The following SNTG1 variants were observed in gnomAD, a reference collection of about 807,000 sequenced individuals.
SNTG1 encodes syntrophin gamma 1.
A neutral mutation model predicts 74.7 loss-of-function variants in SNTG1; 39 were observed. The observed-to-expected ratio is 0.52, with a 90% CI of 0.40 to 0.68. SNTG1 has a LOEUF of 0.68. Ranked by LOEUF, SNTG1 falls within the 30% of genes least tolerant of loss-of-function variation. The probability of loss-of-function intolerance (pLI) is 0.00; values close to 1 mark genes in which losing one functional copy is unlikely to be tolerated. For missense variants in SNTG1, 685 were observed against 609.5 expected, an observed-to-expected ratio of 1.12 and a Z score of -1.30; for synonymous variants, 254 against 217.1, an observed-to-expected ratio of 1.17 and a Z score of -1.49.
At chr8:49,977,235 T>C (rs1812275381) in intron 1 of SNTG1, among the ~76,000 whole-genome samples, 1 of 152,080 alleles carries the variant, frequency 6.6e-6, no homozygotes, top group Non-Finnish European at 1.5e-5. Flanking sequence ...GCAAAGCATG[T>C]TTAACTTCTT....
chr8:50,432,225 A>G (rs189720838), intron 4 of SNTG1, among the ~76,000 whole-genome samples: 1 of 152,274 alleles, frequency 6.6e-6, no homozygotes, highest in East Asian at 1.9e-4. Flanking sequence ...TTTTCTTCTT[A>G]TGGATGTCCA....
At chr8:50,385,416 T>C (rs996671328) in intron 2 of SNTG1, among the ~76,000 whole-genome samples, 2 of 152,212 alleles carry the variant, frequency 1.3e-5, no homozygotes, top group African/African-American at 4.8e-5. Context: ...ATCACACCAC[T>C]GGACCCCCAG....
chr8:50,066,445 C>T (rs1201915693), intron 1 of SNTG1, among the ~76,000 whole-genome samples: 1 of 152,066 alleles, frequency 6.6e-6, no homozygotes, highest in East Asian at 1.9e-4. Context: ...GTAGTGAGAA[C>T]TGGAGTAGCA....
chr8:50,331,794 A>G (rs79256428), intron 2 of SNTG1, among the ~76,000 whole-genome samples: 1 of 152,284 alleles, frequency 6.6e-6, no homozygotes, highest in East Asian at 1.9e-4. Flanking sequence ...GAGAGGGAAG[A>G]TTTCTCAATT....
chr8:49,952,157 C>T (rs1809779743), intron 1 of SNTG1, among the ~76,000 whole-genome samples: 2 of 152,098 alleles, frequency 1.3e-5, no homozygotes, highest in South Asian at 2.1e-4. Flanking sequence ...TACTGTTTGT[C>T]TTCATTCACA....
chr8:50,349,001 A>T (rs528764718), intron 2 of SNTG1, among the ~76,000 whole-genome samples: 1 of 152,196 alleles, frequency 6.6e-6, no homozygotes, highest in African/African-American at 2.4e-5. Flanking sequence ...CTTAACTGTT[A>T]TAAGTATGAC....
intron 4 of SNTG1, among the ~76,000 whole-genome samples, chr8:50,417,918 C>T (rs1203243792): frequency 2.6e-5 from 4 of 152,044 alleles, no homozygotes; most frequent in Non-Finnish European, 4.4e-5. Context: ...TCAAAGACAT[C>T]GTTCCAGCAA....
Position 50,312,672 on chromosome 8 carries a change from C to T in SNTG1, c.-27-81540C>T, listed in dbSNP as rs2090161376. On this transcript the variant is annotated intron_variant, in intron 2 of 18. Coordinates refer to ENST00000642720, the MANE Select transcript of SNTG1 (RefSeq NM_018967.5). Reference sequence around the variant, plus strand: ...ATAGCATAATAGGCCACCTCATACCCATTACTAAACTTCCACATGGCAAAA... The same window carrying T: ...ATAGCATAATAGGCCACCTCATACCTATTACTAAACTTCCACATGGCAAAA... 1.3e-5 allele frequency among the ~76,000 whole-genome samples: 2 copies of T among 149,738 alleles called. 1 individual carries two copies. The highest frequency in any genetic ancestry group is 1.4e-4 in the Admixed American group (2 of 14,804).
chr8:50,781,324 A>G (rs953565154), intron 18 of SNTG1, among the ~76,000 whole-genome samples: 1 of 151,938 alleles, frequency 6.6e-6, no homozygotes, highest in African/African-American at 2.4e-5. Context: ...TCCCATTATT[A>G]TTGTGTGGGA....
At chr8:50,711,856 T>C (rs1407661179) in intron 17 of SNTG1, among the ~76,000 whole-genome samples, 2 of 152,204 alleles carry the variant, frequency 1.3e-5, no homozygotes. Context: ...AGCTTGTTCT[T>C]TGTAATTCTC....
chr8:50,458,160 T>G lies in SNTG1; in HGVS notation c.363+7431T>G, dbSNP rs1229672970. ...GTAATACCAAAGGATCATTAAGATTTGAAGAAAATCAACCACATCAAAGGC... is the reference window on the plus strand; with the variant it reads ...GTAATACCAAAGGATCATTAAGATTGGAAGAAAATCAACCACATCAAAGGC... On this transcript the variant is annotated intron_variant, in intron 8 of 18. Transcript: ENST00000642720. The G allele has an allele frequency of 2.0e-5, 3 of 150,052 alleles. No homozygotes were observed. The Admixed American group carries it at 2.0e-4, about 10-fold the overall frequency. The allele number at this position is 150,052 out of a possible 1,614,324, so 9.3% of individuals were successfully genotyped here.
rs766632011 is a variant in SNTG1 at position 50,530,235 on chromosome 8, T to C, written c.525T>C (p.His175=). The change falls in exon 10 of 19, where the codon CAT becomes CAC. Residue 175 remains histidine, a synonymous_variant. Transcript: ENST00000642720. ...CTCCTCTCTGTGACAGTGGCTTACA[T>C]CTCAACTACCATCCCAACAATACAG... ...TSSPLCDSGL[H]LNYHPNNTDT... The C allele has an allele frequency of 6.2e-7, 1 of 1,613,642 alleles. No individual in the cohort carries two copies. Among genetic ancestry groups the C allele is most frequent in the African/African-American group, 1.3e-5 (1 of 74,888 alleles).
intron 2 of SNTG1, among the ~76,000 whole-genome samples, chr8:50,280,645 A>G (rs1317369971): frequency 6.6e-6 from 1 of 152,198 alleles, no homozygotes; most frequent in East Asian, 1.9e-4. Flanking sequence ...AGGTGGATAC[A>G]AGGATTTTCT....
intron 15 of SNTG1, among the ~76,000 whole-genome samples, chr8:50,668,866 T>C (rs2095263836): frequency 6.6e-6 from 1 of 152,026 alleles, no homozygotes; most frequent in East Asian, 1.9e-4. Flanking sequence ...ACATTTTCTT[T>C]ATTCAGTCTG....
At chr8:50,471,432 T>C (rs1032133238) in intron 8 of SNTG1, among the ~76,000 whole-genome samples, 1 of 152,130 alleles carries the variant, frequency 6.6e-6, no homozygotes, top group Non-Finnish European at 1.5e-5. Flanking sequence ...TACAACCTTA[T>C]TAGAATGGCT....
intron 9 of SNTG1, among the ~76,000 whole-genome samples, chr8:50,504,973 AC>A (rs1487847575): frequency 6.6e-6 from 1 of 152,066 alleles, no homozygotes; most frequent in Non-Finnish European, 1.5e-5. Flanking sequence ...GAAATTCTAT[AC>A]CCCTTAAACA....
chr8:50,580,002 A>T (rs1220155960), intron 12 of SNTG1, among the ~76,000 whole-genome samples: 2 of 152,196 alleles, frequency 1.3e-5, no homozygotes, highest in African/African-American at 4.8e-5. Context: ...AGGAACAGAC[A>T]CTCAATGTCA....
At chr8:50,002,417 G>T (rs1473922172) in intron 1 of SNTG1, among the ~76,000 whole-genome samples, 1 of 151,988 alleles carries the variant, frequency 6.6e-6, no homozygotes, top group Non-Finnish European at 1.5e-5. Flanking sequence ...AATATTGCCT[G>T]TTTTTCTGTG....
At chr8:50,383,578 C>T (rs1376580561) in intron 2 of SNTG1, among the ~76,000 whole-genome samples, 1 of 152,126 alleles carries the variant, frequency 6.6e-6, no homozygotes, top group Non-Finnish European at 1.5e-5. Flanking sequence ...TAATAACCGC[C>T]TTTTTCCACT....
Sources: gnomAD v4.1 joint callset for allele counts (sites outside exome capture counted in the v4.1 genomes callset) on GRCh38, gnomAD v4.1.1 for gene constraint, MANE v1.5 for transcripts, NCBI Gene and HGNC (gene_info 2026-07-23, HGNC 2026-07-21) for gene names.